Variants in USP34 observed in about 807,000 individuals in gnomAD.
USP34 encodes ubiquitin carboxyl-terminal hydrolase 34.
A neutral mutation model predicts 460.3 loss-of-function variants in USP34; 70 were observed. The observed-to-expected ratio is 0.15, with a 90% CI of 0.13 to 0.19. The LOEUF (loss-of-function observed/expected upper bound fraction) is 0.19, where lower values mean the gene tolerates loss of function less well. Among genes scored for constraint, USP34 ranks in the 10% least tolerant of loss-of-function variants. USP34 has a pLI of 1.00. For missense variants in USP34, 3,985 were observed against 4,236.2 expected (o/e 0.94, Z 1.65); for synonymous variants, 1,647 against 1,405.3 (o/e 1.17, Z -3.85).
intron 74 of USP34, among the ~76,000 whole-genome samples, chr2:61,203,576 T>A (rs940880584): frequency 6.6e-6 from 1 of 152,158 alleles, no homozygotes; most frequent in Admixed American, 6.5e-5. Context: ...GTTTGACTTT[T>A]GAAATAGATT....
chr2:61,272,757 A>T (rs746929450), intron 41 of USP34, among the ~76,000 whole-genome samples: 6 of 152,172 alleles, frequency 3.9e-5, no homozygotes, highest in Admixed American at 3.9e-4. Flanking sequence ...GAACATGAAG[A>T]CCTTTTCAAT....
intron 27 of USP34, among the ~76,000 whole-genome samples, chr2:61,303,627 C>T (rs1690306537): frequency 6.6e-6 from 1 of 151,592 alleles, no homozygotes; most frequent in Admixed American, 6.6e-5. Context: ...GACAGAGTCT[C>T]GCTCTGTCGC....
rs774509710 is a variant in USP34, at chr2:61,221,502, C to T, written c.7899G>A (p.Glu2633=). Residue 2633 remains glutamate, a splice_region_variant and synonymous_variant, in exon 66 of 80, where the codon GAG becomes GAA. Transcript: ENST00000398571. The stretch of plus-strand genomic sequence containing the variant: ...TGAAAACACCTGCTGCAAGACTTAC[C>T]TCCCATATCCTCTGCAGAATATAAG... ...FASYILQRIW[E]VIEYNPSQCL... The T allele has an allele frequency of 1.2e-6, 2 of 1,609,736 alleles. No homozygotes were observed. The highest frequency in any genetic ancestry group is 1.7e-6 in the Non-Finnish European group (2 of 1,178,102).
At chr2:61,361,020 C>A (rs1359178127) in intron 10 of USP34, among the ~76,000 whole-genome samples, 1 of 152,186 alleles carries the variant, frequency 6.6e-6, no homozygotes, top group Admixed American at 6.5e-5. Context: ...TACAGAACCA[C>A]AAAAGGCCCC....
In USP34 at chr2:61,340,059, C is replaced by G. The variant is rs2103754225; in HGVS notation, c.2501-378G>C. Among the ~76,000 whole-genome samples the G allele has an allele frequency of 1.3e-5, 2 of 152,146 alleles. 1 individual carries two copies. Among genetic ancestry groups the G allele is most frequent in the Middle Eastern group, 6.8e-3 (2 of 294 alleles). ...TCGTTTCCTTTCTACAGTCTCTTTG[C>G]TATCTATAGTGATTAATATTTTCAC... On this transcript the variant is annotated intron_variant, in intron 16 of 79. Transcript: ENST00000398571.
chr2:61,368,100 T>G (rs1443033368), intron 10 of USP34, among the ~76,000 whole-genome samples: 1 of 152,188 alleles, frequency 6.6e-6, no homozygotes, highest in Non-Finnish European at 1.5e-5. Flanking sequence ...TGAACTCTGC[T>G]GTTGTGCTGT....
intron 58 of USP34, among the ~76,000 whole-genome samples, chr2:61,232,164 AAGCATCTAATAATAAAG>A (rs1464832628): frequency 1.3e-5 from 2 of 152,138 alleles, no homozygotes; most frequent in Non-Finnish European, 2.9e-5. Context: ...ATAACTCATA[AAGCATCTAATAATAAAG>A]AGCAGGATCT....
chr2:61,194,493 A>T (rs1357077703), intron 75 of USP34, among the ~76,000 whole-genome samples: 61 of 152,212 alleles, frequency 4.0e-4, no homozygotes, highest in Admixed American at 3.9e-3. Flanking sequence ...CTTGTGAGCT[A>T]AGAATGGCTT....
At chr2:61,368,493 G>T (rs935288413) in intron 10 of USP34, among the ~76,000 whole-genome samples, 1 of 151,832 alleles carries the variant, frequency 6.6e-6, no homozygotes, top group African/African-American at 2.4e-5. Context: ...CAGATAGCTG[G>T]CCCACAGACT....
intron 1 of USP34, among the ~76,000 whole-genome samples, chr2:61,464,049 G>A (rs184708014): frequency 6.6e-6 from 1 of 152,264 alleles, no homozygotes; most frequent in East Asian, 1.9e-4. Context: ...ATTCAATAAA[G>A]TAATCTGCTT....
intron 23 of USP34, 90 bp from the exon 24 acceptor site, chr2:61,315,064 C>T (rs937284923): frequency 2.6e-5 from 23 of 900,218 alleles, no homozygotes; most frequent in Non-Finnish European, 6.8e-6. Context: ...AAATCATAGG[C>T]AACTCCTATT....
At position 61,386,587 on chromosome 2, in the gene USP34, G is replaced by A. The variant is rs181790938; in HGVS notation, c.754-3251C>T. 5.7e-3 allele frequency among the ~76,000 whole-genome samples: 862 copies of A among 152,002 alleles called. 12 individuals are homozygous for A. The highest frequency in any genetic ancestry group is 7.5e-3 in the Admixed American group (115 of 15,252). On this transcript the variant is annotated intron_variant, in intron 5 of 79. Transcript: ENST00000398571. Reference sequence around the variant, plus strand: ...AGATGGATCACAAGCTCAGGAGATCGAGACCATCCTGGCCAACATGGTGAA... The same window carrying A: ...AGATGGATCACAAGCTCAGGAGATCAAGACCATCCTGGCCAACATGGTGAA...
intron 48 of USP34, among the ~76,000 whole-genome samples, chr2:61,255,287 T>C (rs1249376176): frequency 6.6e-6 from 1 of 152,218 alleles, no homozygotes; most frequent in Non-Finnish European, 1.5e-5. Context: ...TGTATTATAG[T>C]ATAAACACTT....
chr2:61,223,086 G>C lies in USP34; in HGVS notation c.7723C>G (p.Arg2575Gly), dbSNP rs1242049097. 1 of 1,613,616 alleles carries C rather than the reference G, an allele frequency of 6.2e-7. No homozygotes were observed. The highest frequency in any genetic ancestry group is 8.5e-7 in the Non-Finnish European group (1 of 1,179,692). Residue 2575 changes from arginine (R) to glycine (G), a missense_variant, in exon 64 of 80, where the codon CGA becomes GGA. Physicochemically the swap from Arg to Gly is moderately radical, Grantham distance 125. Transcript: ENST00000398571. ...QTCNLIFSLC[R>G]YNNRLAEHIV... ...TGTTCTGCAAGTCGATTATTGTATC[G>C]ACACAGGCTGAAAATCAGATTACAA...
chr2:61,195,746 A>G (rs1686781822), intron 75 of USP34, among the ~76,000 whole-genome samples: 1 of 152,076 alleles, frequency 6.6e-6, no homozygotes, highest in East Asian at 1.9e-4. Flanking sequence ...GGAGTCTAAA[A>G]TATATAGTGT....
intron 1 of USP34, among the ~76,000 whole-genome samples, chr2:61,457,456 C>T (rs1316156969): frequency 6.6e-6 from 1 of 152,206 alleles, no homozygotes; most frequent in South Asian, 2.1e-4. Context: ...TAAAGAAAAA[C>T]TCTGTTTCTG....
chr2:61,337,074 A>T (rs1691442963), intron 18 of USP34, among the ~76,000 whole-genome samples: 1 of 152,170 alleles, frequency 6.6e-6, no homozygotes, highest in Non-Finnish European at 1.5e-5. Context: ...CTAAGCGCAC[A>T]GCTCAAAATA....
chr2:61,205,348 CA>C (rs1340312681), intron 72 of USP34, among the ~76,000 whole-genome samples: 1 of 152,156 alleles, frequency 6.6e-6, no homozygotes, highest in Non-Finnish European at 1.5e-5. Flanking sequence ...AGGCTATAGG[CA>C]GTTTCTGGTG....
At chr2:61,334,721 G>A (rs1486738825) in intron 18 of USP34, among the ~76,000 whole-genome samples, 2 of 152,132 alleles carry the variant, frequency 1.3e-5, no homozygotes, top group Non-Finnish European at 2.9e-5. Flanking sequence ...AAGACGCCAG[G>A]CATTAAGTGG....
Sources: gnomAD v4.1 joint callset for allele counts (sites outside exome capture counted in the v4.1 genomes callset) on GRCh38, gnomAD v4.1.1 for gene constraint, MANE v1.5 for transcripts, NCBI Gene and HGNC (gene_info 2026-07-23, HGNC 2026-07-21) for gene names.